Variants in TDRKH observed in about 807,000 individuals in gnomAD.
TDRKH encodes tudor and KH domain containing.
In TDRKH, 28 loss-of-function variants were observed where a neutral mutation model predicts 61.3. The observed-to-expected ratio is 0.46, with a 90% CI of 0.34 to 0.63. TDRKH has a LOEUF of 0.63. Ranked by LOEUF, TDRKH falls within the 20% of genes least tolerant of loss-of-function variation. The pLI, the probability that TDRKH is intolerant of heterozygous loss-of-function variation, is 0.01. For missense variants in TDRKH, 540 were observed against 683.4 expected (o/e 0.79, Z 2.34); for synonymous variants, 219 against 244.4 (o/e 0.90, Z 0.97).
intron 1 of TDRKH, among the ~76,000 whole-genome samples, chr1:151,784,431 T>C (rs896408255): frequency 1.2e-4 from 19 of 152,234 alleles, no homozygotes; most frequent in Non-Finnish European, 2.6e-4. Context: ...TCAAGTTCTC[T>C]TCTTAAATCC....
Position 151,778,758 on chromosome 1 carries a change from G to C in TDRKH, c.810C>G (p.Ser270=). The C allele has an allele frequency of 6.2e-7, 1 of 1,614,208 alleles. No individual in the cohort carries two copies. Among genetic ancestry groups the C allele is most frequent in the East Asian group, 2.2e-5 (1 of 44,890 alleles). ...DMAVVVSKEG[S]WEKPSDDSFQ... is the part of the protein sequence containing the mutation. The stretch of plus-strand genomic sequence containing the variant: ...AGCTGTCATCACTAGGTTTCTCCCA[G>C]GAACCTTCCTTTGACACTACCACAG... The change falls in exon 6 of 13, where the codon TCC becomes TCG. Residue 270 remains serine (S), a synonymous_variant. Transcript: ENST00000368824.
chr1:151,774,854 G>GA (rs779864891), intron 11 of TDRKH, 48 bp from the exon 12 acceptor site: 1 of 1,589,104 alleles, frequency 6.3e-7, no homozygotes, highest in South Asian at 1.1e-5. Flanking sequence ...TGGCTTTTAG[G>GA]AAAAAAGAGG....
downstream of TDRKH, among the ~76,000 whole-genome samples, chr1:151,769,161 C>A (rs1183788368): frequency 2.0e-5 from 3 of 152,044 alleles, no homozygotes; most frequent in African/African-American, 7.2e-5. Flanking sequence ...ATGGCCCATT[C>A]TCAATGAGCT....
intron 6 of TDRKH, 33 bp downstream of exon 6, chr1:151,778,652 C>G (rs1207966188): frequency 1.5e-5 from 24 of 1,606,700 alleles, no homozygotes; most frequent in Non-Finnish European, 2.0e-5. Context: ...TTTCTATCTT[C>G]AATGATTAAT....
rs769432068 is a variant in TDRKH, at chr1:151,776,532, G to A, written c.951C>T (p.His317=). ...YLEVYVSASE[H]PNHFWIQIVG... ...CGATCTGGATCCAGAAGTGGTTAGG[G>A]TGCTCAGAAGCAGAAACGTAGACTT... Residue 317 remains histidine, a synonymous_variant, in exon 7 of 13, where the codon CAC becomes CAT. Transcript: ENST00000368824. 1.2e-6 allele frequency: 2 copies of A among 1,614,052 alleles called. No individual in the cohort carries two copies. Among genetic ancestry groups the A allele is most frequent in the African/African-American group, 1.3e-5 (1 of 74,908 alleles).
At chr1:151,769,626 G>A (rs1238332696), downstream of TDRKH, 1 of 235,850 alleles carries the variant, frequency 4.2e-6, no homozygotes, top group African/African-American at 2.4e-5. Flanking sequence ...TCACATCCCA[G>A]ACGATGGGCG....
chr1:151,782,372 G>A (rs1317854234), intron 2 of TDRKH, among the ~76,000 whole-genome samples: 2 of 152,180 alleles, frequency 1.3e-5, no homozygotes, highest in Admixed American at 6.5e-5. Context: ...GCTTGAACTC[G>A]GGAGGCAGAG....
chr1:151,767,348 A>G (rs368103846), downstream of TDRKH: 41 of 1,595,238 alleles, frequency 2.6e-5, no homozygotes, highest in Admixed American at 3.4e-5. Flanking sequence ...CTTTTCTTGC[A>G]TACCTTGCAG....
Position 151,774,312 on chromosome 1 carries a change from T to C in TDRKH, c.*140A>G. ...CTGCAGGAAAGCAGCTGCAGAGAAGTATATTAAGACAGGGCATGGGAAAGA... is the reference window on the plus strand; with the variant it reads ...CTGCAGGAAAGCAGCTGCAGAGAAGCATATTAAGACAGGGCATGGGAAAGA... On this transcript the variant is annotated 3_prime_UTR_variant, in exon 13 of 13. Coordinates refer to ENST00000368824, the MANE Select transcript of TDRKH (RefSeq NM_001083965.2). 1 of 771,480 alleles carries C rather than the reference T, an allele frequency of 1.3e-6. No homozygotes were observed. The highest frequency in any genetic ancestry group is 2.1e-6 in the Non-Finnish European group (1 of 484,068). 47.8% of individuals were successfully genotyped at this position (771,480 alleles called of 1,614,324 possible).
downstream of TDRKH, chr1:151,768,126 C>T (rs1202299325): frequency 6.2e-7 from 1 of 1,614,036 alleles, no homozygotes; most frequent in Non-Finnish European, 8.5e-7. Flanking sequence ...TAGACTTTCA[C>T]TTCCGCCTTA....
downstream of TDRKH, chr1:151,768,387 G>T (rs1344185290): frequency 6.9e-6 from 8 of 1,153,298 alleles, no homozygotes; most frequent in East Asian, 2.1e-4. Flanking sequence ...CAGGATCTGG[G>T]GTTCAAGGGA....
downstream of TDRKH, chr1:151,771,350 T>TGG (rs201991085): frequency 6.9e-7 from 1 of 1,452,082 alleles, no homozygotes; most frequent in African/African-American, 1.4e-5. Context: ...CACGGTTTCT[T>TGG]GGGGGGGTGG....
In TDRKH at chr1:151,780,158, T is replaced by A; in HGVS notation, c.232-18A>T. ...TTCCGCAGCTGCAAAGAAAAGGACATTTGGCAGTACATTCTGGAAGAGCTC... is the reference window on the plus strand; with the variant it reads ...TTCCGCAGCTGCAAAGAAAAGGACAATTGGCAGTACATTCTGGAAGAGCTC... On this transcript the variant is annotated intron_variant, in intron 3 of 12. Coordinates refer to ENST00000368824, the MANE Select transcript of TDRKH (RefSeq NM_001083965.2). The A allele has an allele frequency of 6.2e-7, 1 of 1,604,302 alleles. No individual in the cohort carries two copies. Among genetic ancestry groups the A allele is most frequent in the Non-Finnish European group, 8.5e-7 (1 of 1,172,024 alleles).
chr1:151,773,185 G>C (rs1256331598), downstream of TDRKH, among the ~76,000 whole-genome samples: 2 of 152,118 alleles, frequency 1.3e-5, no homozygotes, highest in East Asian at 3.8e-4. Context: ...TGGGACAACA[G>C]GTGCATGCCA....
chr1:151,778,823 G>A lies in TDRKH; in HGVS notation c.745C>T (p.Pro249Ser). 1 of 1,614,174 alleles carries A rather than the reference G, an allele frequency of 6.2e-7. No individual in the cohort carries two copies. The highest frequency in any genetic ancestry group is 1.1e-5 in the South Asian group (1 of 91,088). ...NTSSSMEPTA[P>S]LVTPPPKGGG... ...CCTTTGGGTGGAGGAGTCACCAGGGGTGCAGTCGGCTCCATGCTAGAACTG... is the reference window on the plus strand; with the variant it reads ...CCTTTGGGTGGAGGAGTCACCAGGGATGCAGTCGGCTCCATGCTAGAACTG... Residue 249 changes from proline to serine, a missense_variant, in exon 6 of 13, where the codon CCC becomes TCC. Transcript: ENST00000368824.
chr1:151,774,953 G>C (rs1278843416), intron 11 of TDRKH, 112 bp downstream of exon 11: 4 of 1,356,120 alleles, frequency 2.9e-6, no homozygotes. Flanking sequence ...TCAACTACTG[G>C]AGGAGCTCAA....
chr1:151,771,014 C>G (rs1648674276), downstream of TDRKH: 1 of 1,506,970 alleles, frequency 6.6e-7, no homozygotes, highest in African/African-American at 1.4e-5. Context: ...GAAATCAAAT[C>G]TGGGGGCATA....
chr1:151,776,614 A>G lies in TDRKH; in HGVS notation c.884-15T>C. 1 of 1,613,472 alleles carries G rather than the reference A, an allele frequency of 6.2e-7. No individual in the cohort carries two copies. Among genetic ancestry groups the G allele is most frequent in the Non-Finnish European group, 8.5e-7 (1 of 1,179,492 alleles). On this transcript the variant is annotated splice_polypyrimidine_tract_variant and intron_variant, in intron 6 of 12. Coordinates refer to ENST00000368824, the MANE Select transcript of TDRKH (RefSeq NM_001083965.2). Reference sequence around the variant, plus strand: ...AGGACTGGGGACTGAACACAGAGATAAGGATGGTGGCCACATCAGACCCAT... The same window carrying G: ...AGGACTGGGGACTGAACACAGAGATGAGGATGGTGGCCACATCAGACCCAT...
At chr1:151,771,778 G>T, downstream of TDRKH, 1 of 394,522 alleles carries the variant, frequency 2.5e-6, no homozygotes, top group East Asian at 3.6e-5. Context: ...CTGTAAACAG[G>T]TAAGACTTAA....
Sources: gnomAD v4.1 joint callset for allele counts (sites outside exome capture counted in the v4.1 genomes callset) on GRCh38, gnomAD v4.1.1 for gene constraint, MANE v1.5 for transcripts, NCBI Gene and HGNC (gene_info 2026-07-23, HGNC 2026-07-21) for gene names.